The following FSIP2 variants were observed in gnomAD, a reference collection of about 807,000 sequenced individuals.
FSIP2 encodes the protein fibrous sheath interacting protein 2.
A neutral mutation model predicts 510.5 loss-of-function variants in FSIP2; 367 were observed. That is an observed-to-expected ratio of 0.72 (90% confidence interval 0.66 to 0.78). The LOEUF is 0.78. FSIP2 is among the 30% of genes least tolerant of loss of function. The pLI, the probability that FSIP2 is intolerant of heterozygous loss-of-function variation, is 0.00. For synonymous variants in FSIP2, 2,601 were observed against 2,732.2 expected (o/e 0.95, Z 1.50); for missense variants, 7,594 against 7,901.7 (o/e 0.96, Z 1.48).
rs1274079224 is a variant in FSIP2 at position 185,805,268 on chromosome 2, G to A, written c.15962G>A (p.Arg5321Lys). ...CTAAAACTTGCAAATTCTCTGATAAGGGAATTTAAGAAAAGTGATATTAAA... is the reference window on the plus strand; with the variant it reads ...CTAAAACTTGCAAATTCTCTGATAAAGGAATTTAAGAAAAGTGATATTAAA... ...LALKLANSLI[R>K]EFKKSDIKVL... Residue 5321 changes from arginine to lysine, a missense_variant, in exon 17 of 23, where the codon AGG becomes AAG. Physicochemically the swap from Arg to Lys is conservative, Grantham distance 26. Coordinates refer to ENST00000424728, the MANE Select transcript of FSIP2 (RefSeq NM_173651.4). 1.9e-6 allele frequency: 3 copies of A among 1,590,372 alleles called. No individual in the cohort carries two copies. The highest frequency in any genetic ancestry group is 1.4e-5 in the African/African-American group (1 of 73,216).
intron 13 of FSIP2, among the ~76,000 whole-genome samples, chr2:185,769,826 A>G (rs981497841): frequency 1.3e-5 from 2 of 152,182 alleles, no homozygotes; most frequent in African/African-American, 2.4e-5. Flanking sequence ...GATCTTCCGC[A>G]TATGGCTAGC....
In FSIP2 at chr2:185,809,070, G is replaced by C; in HGVS notation, c.19764G>C (p.Lys6588Asn). ...NYSLGSPDLE[K>N]RKTERRTSLD... is the part of the protein sequence containing the mutation. Reference sequence around the variant, plus strand: ...CCTTAGGATCACCTGATTTAGAAAAGAGAAAGACAGAAAGACGTACCTCAT... The same window carrying C: ...CCTTAGGATCACCTGATTTAGAAAACAGAAAGACAGAAAGACGTACCTCAT... The change falls in exon 17 of 23, where the codon AAG becomes AAC. Residue 6588 changes from lysine (K) to asparagine (N), a missense_variant. Coordinates refer to ENST00000424728, the MANE Select transcript of FSIP2 (RefSeq NM_173651.4). 2 of 1,603,630 alleles carry C rather than the reference G, an allele frequency of 1.2e-6. No individual in the cohort carries two copies. The highest frequency in any genetic ancestry group is 1.7e-6 in the Non-Finnish European group (2 of 1,176,948).
intron 18 of FSIP2, among the ~76,000 whole-genome samples, chr2:185,814,495 C>T (rs1181339052): frequency 1.3e-5 from 2 of 151,974 alleles, no homozygotes; most frequent in African/African-American, 2.4e-5. Flanking sequence ...AGCTAGCTGA[C>T]CTTTTGGTAA....
intron 14 of FSIP2, among the ~76,000 whole-genome samples, chr2:185,785,185 T>C (rs978423681): frequency 6.6e-6 from 1 of 152,066 alleles, no homozygotes; most frequent in Non-Finnish European, 1.5e-5. Context: ...CTGTGGAAAC[T>C]TGAGTTGACC....
Position 185,800,708 on chromosome 2 carries a change from A to G in FSIP2, c.11402A>G (p.Lys3801Arg), listed in dbSNP as rs1255924812. Residue 3801 changes from lysine (K) to arginine (R), a missense_variant, in exon 17 of 23, where the codon AAA (lysine) becomes AGA (arginine). Lys to Arg is a conservative substitution (Grantham distance 26). Transcript: ENST00000424728. ...ATGCTTCAAAGTGTAGAAGATGGAAAATCTGATTATCGTAAGGGAGGAATG... is the reference window on the plus strand; with the variant it reads ...ATGCTTCAAAGTGTAGAAGATGGAAGATCTGATTATCGTAAGGGAGGAATG... ...LKMLQSVEDG[K>R]SDYRKGGMDC... 1 of 1,533,880 alleles carries G rather than the reference A, an allele frequency of 6.5e-7. No homozygotes were observed.
chr2:185,777,957 T>A (rs1692763256), intron 13 of FSIP2, among the ~76,000 whole-genome samples: 1 of 152,060 alleles, frequency 6.6e-6, no homozygotes, highest in Non-Finnish European at 1.5e-5. Context: ...GAAGTCACTG[T>A]TAAAATAAAT....
rs866840037 is a variant in FSIP2 at position 185,806,842 on chromosome 2, G to A, written c.17536G>A (p.Val5846Ile). The change falls in exon 17 of 23, where the codon GTT becomes ATT. Residue 5846 changes from valine (V) to isoleucine (I), a missense_variant. By Grantham distance (29) the Val-to-Ile change is conservative. Transcript: ENST00000424728. ...LKEFSDAQIKVFRPDKGNQFP... is the reference protein window; with the variant it reads ...LKEFSDAQIKIFRPDKGNQFP... ...GGAGTTCTCAGATGCTCAAATTAAG[G>A]TTTTCAGGCCAGATAAGGGAAATCA... is the stretch of plus-strand genomic sequence containing the variant. 7.5e-6 allele frequency: 12 copies of A among 1,609,770 alleles called. No homozygotes were observed. Among genetic ancestry groups the A allele is most frequent in the Middle Eastern group, 1.7e-4 (1 of 6,016 alleles).
intron 20 of FSIP2, 62 bp downstream of exon 20, chr2:185,824,542 A>G: frequency 1.1e-6 from 1 of 945,828 alleles, no homozygotes; most frequent in Non-Finnish European, 1.6e-6. Context: ...TTTTTTTTTT[A>G]GTTATCAAAC....
At chr2:185,830,757 GAGA>G (rs1694094524) in intron 21 of FSIP2, among the ~76,000 whole-genome samples, 1 of 151,728 alleles carries the variant, frequency 6.6e-6, no homozygotes, top group Non-Finnish European at 1.5e-5. Context: ...CCCACAGAGA[GAGA>G]AGGCCAACTG....
intron 17 of FSIP2, among the ~76,000 whole-genome samples, chr2:185,809,684 T>C (rs1185477071): frequency 2.0e-5 from 3 of 152,088 alleles, no homozygotes; most frequent in African/African-American, 7.2e-5. Flanking sequence ...TTCAATTATA[T>C]TAGCCTTTCC....
chr2:185,800,885 A>T lies in FSIP2; in HGVS notation c.11579A>T (p.Gln3860Leu), dbSNP rs1028902261. The T allele has an allele frequency of 4.6e-5, 70 of 1,533,988 alleles. No individual in the cohort carries two copies. The Middle Eastern group carries it at 5.0e-4, about 11-fold the overall frequency. ...SLMDKLSHSI[Q>L]QAPESLPFAN... ...ATGGACAAATTATCTCACAGCATAC[A>T]ACAAGCTCCGGAAAGTCTACCTTTT... Residue 3860 changes from glutamine to leucine, a missense_variant, in exon 17 of 23, where the codon CAA becomes CTA. By Grantham distance (113) the Gln-to-Leu change is moderately radical. Coordinates refer to ENST00000424728, the MANE Select transcript of FSIP2 (RefSeq NM_173651.4).
In FSIP2 at chr2:185,805,242, T is replaced by G; in HGVS notation, c.15936T>G (p.Ala5312=). 2 of 1,592,940 alleles carry G rather than the reference T, an allele frequency of 1.3e-6. No homozygotes were observed. Among genetic ancestry groups the G allele is most frequent in the Non-Finnish European group, 1.7e-6 (2 of 1,172,582 alleles). ...CAGAGCTAGATATTATGGGCTTGGC[T>G]CTAAAACTTGCAAATTCTCTGATAA... ...EMAELDIMGL[A]LKLANSLIRE... is the part of the protein sequence containing the mutation. Residue 5312 remains alanine (A), a synonymous_variant, in exon 17 of 23, where the codon GCT becomes GCG. Transcript: ENST00000424728.
rs760801976 is a variant in FSIP2 at position 185,795,798 on chromosome 2, C to T, written c.8662C>T (p.Leu2888Phe). ...YSLSLLNLPP[L>F]ENCESRFYNH... ...TCTTTCACTTTTAAATTTGCCCCCT[C>T]TTGAGAATTGTGAAAGCAGGTTTTA... The change falls in exon 16 of 23, where the codon CTT becomes TTT. Residue 2888 changes from leucine to phenylalanine, a missense_variant. Leu to Phe is a conservative substitution (Grantham distance 22). Coordinates refer to ENST00000424728, the MANE Select transcript of FSIP2 (RefSeq NM_173651.4). The T allele has an allele frequency of 2.9e-5, 45 of 1,533,838 alleles. No individual in the cohort carries two copies. Among genetic ancestry groups the T allele is most frequent in the African/African-American group, 8.2e-5 (6 of 72,864 alleles).
rs772570096 is a variant in FSIP2, at chr2:185,804,891, T to C, written c.15585T>C (p.Cys5195=). The C allele has an allele frequency of 1.4e-5, 21 of 1,524,676 alleles. No homozygotes were observed. The highest frequency in any genetic ancestry group is 1.8e-5 in the Non-Finnish European group (21 of 1,142,324). 94.4% of individuals were successfully genotyped at this position (1,524,676 alleles called of 1,614,324 possible). A position where few individuals can be genotyped will look rare whatever the true frequency, so the allele number is the denominator to read the frequency against. ...TTGAAAATTTGGTCGACTCCATATG[T>C]AATAATATTTTGAAAACATCTGAAT... ...EPIENLVDSI[C]NNILKTSEFQ... is the part of the protein sequence containing the mutation. Residue 5195 remains cysteine (C), a synonymous_variant, in exon 17 of 23, where the codon TGT becomes TGC. Transcript: ENST00000424728.
intron 13 of FSIP2, chr2:185,765,360 A>T (rs1692447809): frequency 6.6e-6 from 1 of 152,090 alleles, no homozygotes; most frequent in Non-Finnish European, 1.5e-5. Flanking sequence ...CTTTCTACAT[A>T]TGGCTAGCCA....
Position 185,790,758 on chromosome 2 carries a change from G to A in FSIP2, c.3622G>A (p.Glu1208Lys), listed in dbSNP as rs1693102916. ...HQISLHNSDT[E>K]HIVKEAPNKY... is the part of the protein sequence containing the mutation. ...GATTTCCTTACATAATTCTGACACT[G>A]AACACATAGTCAAAGAAGCACCAAA... is the stretch of plus-strand genomic sequence containing the variant. The change falls in exon 16 of 23, where the codon GAA becomes AAA. Residue 1208 changes from glutamate to lysine, a missense_variant. Glu to Lys is a moderately conservative substitution (Grantham distance 56, BLOSUM62 1). Coordinates refer to ENST00000424728, the MANE Select transcript of FSIP2 (RefSeq NM_173651.4). 1 of 1,532,456 alleles carries A rather than the reference G, an allele frequency of 6.5e-7. No homozygotes were observed. The highest frequency in any genetic ancestry group is 1.4e-5 in the African/African-American group (1 of 72,862). The allele number at this position is 1,532,456 out of a possible 1,614,324, so 94.9% of individuals were successfully genotyped here. A position where few individuals can be genotyped will look rare whatever the true frequency, so the allele number is the denominator to read the frequency against.
intron 13 of FSIP2, among the ~76,000 whole-genome samples, chr2:185,774,118 T>C (rs35102315): frequency 5.9e-5 from 9 of 152,202 alleles, no homozygotes; most frequent in Non-Finnish European, 1.0e-4. Context: ...TTGAGACTTA[T>C]TCTTTTCACA....
At position 185,790,063 on chromosome 2, in the gene FSIP2, GCACTA is replaced by G; in HGVS notation, c.2928_2932del (p.Thr977IlefsTer4). 1 of 1,533,464 alleles carries G rather than the reference GCACTA, an allele frequency of 6.5e-7. No homozygotes were observed. Among genetic ancestry groups the G allele is most frequent in the Non-Finnish European group, 8.7e-7 (1 of 1,145,300 alleles). The allele number at this position is 1,533,464 out of a possible 1,614,324, so 95.0% of individuals were successfully genotyped here. A position where few individuals can be genotyped will look rare whatever the true frequency, so the allele number is the denominator to read the frequency against. On this transcript the variant is annotated frameshift_variant, in exon 16 of 23. Coordinates refer to ENST00000424728, the MANE Select transcript of FSIP2 (RefSeq NM_173651.4). LOFTEE classifies it high-confidence loss of function. The stretch of plus-strand genomic sequence containing the variant: ...ACCAAAGAAAAGTACAGACTCACTG[GCACTA>G]GATTATCAAATAGTCCTAGGTCTGG...
At chr2:185,773,834 C>T (rs1418792083) in intron 13 of FSIP2, among the ~76,000 whole-genome samples, 5 of 152,198 alleles carry the variant, frequency 3.3e-5, no homozygotes, top group South Asian at 2.1e-4. Context: ...TATTGCATAT[C>T]GGACAGTTTT....
Sources: allele counts gnomAD v4.1 joint callset (sites outside exome capture counted in the v4.1 genomes callset), GRCh38; gene constraint gnomAD v4.1.1; transcripts MANE v1.5; gene names NCBI Gene and HGNC (gene_info 2026-07-23, HGNC 2026-07-21).